TMEM131: variants seen among roughly 807,000 people sequenced by gnomAD.
The protein encoded by TMEM131 is 2610524E03Rik.
In TMEM131, 66 loss-of-function variants were observed where a neutral mutation model predicts 211.6. The observed-to-expected ratio is 0.31, with a 90% CI of 0.26 to 0.38. The LOEUF is 0.38. TMEM131 is among the 10% of genes least tolerant of loss of function. The probability of loss-of-function intolerance (pLI) is 1.00; values close to 1 mark genes in which losing one functional copy is unlikely to be tolerated. For missense variants in TMEM131, 2,036 were observed against 2,299.3 expected, an observed-to-expected ratio of 0.89 and a Z score of 2.34; for synonymous variants, 844 against 841.3, an observed-to-expected ratio of 1.00 and a Z score of -0.06.
At chr2:97,863,190 G>C (rs2105191547) in intron 4 of TMEM131, among the ~76,000 whole-genome samples, 1 of 152,236 alleles carries the variant, frequency 6.6e-6, no homozygotes, top group East Asian at 1.9e-4. Flanking sequence ...CTTCAAATAT[G>C]AAAGAGGAAT....
intron 2 of TMEM131, among the ~76,000 whole-genome samples, chr2:97,914,077 T>C (rs184008881): frequency 2.0e-5 from 3 of 152,306 alleles, no homozygotes; most frequent in African/African-American, 7.2e-5. Flanking sequence ...CACAAAGTTC[T>C]CTGCAAATCA....
At chr2:97,981,727 C>G (rs1022203117) in intron 1 of TMEM131, among the ~76,000 whole-genome samples, 1 of 152,086 alleles carries the variant, frequency 6.6e-6, no homozygotes, top group Non-Finnish European at 1.5e-5. Context: ...CTCCATAGTT[C>G]TAGACAACCA....
intron 32 of TMEM131, among the ~76,000 whole-genome samples, chr2:97,774,203 C>A (rs1486117314): frequency 6.6e-6 from 1 of 152,208 alleles, no homozygotes; most frequent in Non-Finnish European, 1.5e-5. Context: ...GAATACTTGA[C>A]CCATCAGGTA....
intron 11 of TMEM131, among the ~76,000 whole-genome samples, chr2:97,819,496 T>C (rs968480050): frequency 3.3e-5 from 5 of 152,226 alleles, no homozygotes; most frequent in Admixed American, 6.5e-5. Context: ...ATTTCCAATA[T>C]TGATGTTTTA....
intron 1 of TMEM131, among the ~76,000 whole-genome samples, chr2:97,983,333 T>A (rs1413743624): frequency 6.6e-6 from 1 of 152,114 alleles, no homozygotes; most frequent in Non-Finnish European, 1.5e-5. Context: ...GAGGAGGGTA[T>A]AATGAGACAT....
At chr2:97,927,152 T>A (rs114361112) in intron 2 of TMEM131, among the ~76,000 whole-genome samples, 21 of 152,304 alleles carry the variant, frequency 1.4e-4, no homozygotes, top group Non-Finnish European at 2.8e-4. Context: ...ATTACATTTC[T>A]CAACACCTCT....
At chr2:97,898,813 G>A (rs998707929) in intron 3 of TMEM131, among the ~76,000 whole-genome samples, 1 of 152,012 alleles carries the variant, frequency 6.6e-6, no homozygotes, top group East Asian at 1.9e-4. Context: ...GTATTGAAAA[G>A]CTTCTGGTTT....
intron 18 of TMEM131, among the ~76,000 whole-genome samples, chr2:97,810,054 AAAAATACAAATATTTTTGTATTTC>A (rs1160794195): frequency 9.9e-5 from 15 of 152,212 alleles, no homozygotes; most frequent in African/African-American, 3.6e-4. Flanking sequence ...CAGATTTTTT[AAAAATACAAATATTTTTGTATTTC>A]AAAATACAAA....
chr2:97,860,640 G>A lies in TMEM131; in HGVS notation c.360-1213C>T, dbSNP rs145079864. The stretch of plus-strand genomic sequence containing the variant: ...CACCTCTAATTCAAGACTTGGGAAA[G>A]TTGATAAACAGTGAACAGCTGATAA... On this transcript the variant is annotated intron_variant, in intron 4 of 40. Coordinates refer to ENST00000186436, the MANE Select transcript of TMEM131 (RefSeq NM_015348.2). 7.0e-3 allele frequency among the ~76,000 whole-genome samples: 1,059 copies of A among 152,284 alleles called. 53 individuals are homozygous for A. The highest frequency in any genetic ancestry group is 0.061 in the Admixed American group (939 of 15,300).
intron 4 of TMEM131, among the ~76,000 whole-genome samples, chr2:97,880,813 G>A (rs933882444): frequency 3.9e-5 from 6 of 152,054 alleles, no homozygotes; most frequent in African/African-American, 9.7e-5. Flanking sequence ...AAATGCAGCC[G>A]CACACAACCA....
intron 18 of TMEM131, 53 bp from the exon 19 acceptor site, chr2:97,809,827 T>G: frequency 7.3e-7 from 1 of 1,370,172 alleles, no homozygotes; most frequent in Non-Finnish European, 1.0e-6. Context: ...TAGCCTGATC[T>G]TGATAACTAT....
intron 7 of TMEM131, among the ~76,000 whole-genome samples, chr2:97,839,702 A>G (rs905040748): frequency 6.6e-6 from 1 of 152,268 alleles, no homozygotes; most frequent in East Asian, 1.9e-4. Context: ...TTGGACTGCA[A>G]CTATGCTGTC....
chr2:97,812,083 T>C (rs955810425), intron 17 of TMEM131, among the ~76,000 whole-genome samples: 1 of 152,212 alleles, frequency 6.6e-6, no homozygotes, highest in African/African-American at 2.4e-5. Flanking sequence ...TTCAGGGCCA[T>C]CTCTTTTTCC....
In TMEM131 at chr2:97,793,366, G is replaced by C. The variant is rs758670204; in HGVS notation, c.3545+29C>G. On this transcript the variant is annotated intron_variant, in intron 30 of 40. Coordinates refer to ENST00000186436, the MANE Select transcript of TMEM131 (RefSeq NM_015348.2). ...TTATCAGCCAAATCTATGTACACTA[G>C]GGAATTTATTGCCAGCATGTGAACA... 66 of 1,592,886 alleles carry C rather than the reference G, an allele frequency of 4.1e-5. No individual in the cohort carries two copies. In the South Asian group the frequency reaches 6.2e-4, roughly 15 times the overall value.
chr2:97,943,021 GAAAAGAAAAGAAAAGAAAAGAAAGAAAGA>G (rs1677836048), intron 1 of TMEM131, among the ~76,000 whole-genome samples: 3 of 39,212 alleles, frequency 7.7e-5, no homozygotes, highest in Non-Finnish European at 1.5e-4. Context: ...GAAAAGAAAA[GAAAAGAAAAGAAAAGAAAAGAAAGAAAGA>G]AAGAAAGAAA....
rs755918240 is a variant in TMEM131 at position 97,775,856 on chromosome 2, G to A, written c.4307C>T (p.Pro1436Leu). 6 of 1,613,012 alleles carry A rather than the reference G, an allele frequency of 3.7e-6. No homozygotes were observed. Among genetic ancestry groups the A allele is most frequent in the African/African-American group, 1.3e-5 (1 of 74,784 alleles). The change falls in exon 32 of 41, where the codon CCG (proline) becomes CTG (leucine). Residue 1436 changes from proline to leucine, a missense_variant. Transcript: ENST00000186436. The part of the protein sequence containing the change: ...TTETSNPDTE[P>L]LLKEDTEKQK... ...ATCAGCCCGTACCTCCTTGAGGAGC[G>A]GTTCTGTGTCAGGGTTGGAGGTCTC...
At chr2:97,820,607 C>G (rs931296845) in intron 11 of TMEM131, among the ~76,000 whole-genome samples, 2 of 152,074 alleles carry the variant, frequency 1.3e-5, no homozygotes, top group Non-Finnish European at 2.9e-5. Flanking sequence ...GCCTGTAGTC[C>G]TAGCACGTTG....
At chr2:97,961,331 A>G (rs1004165451) in intron 1 of TMEM131, among the ~76,000 whole-genome samples, 3 of 152,206 alleles carry the variant, frequency 2.0e-5, no homozygotes, top group Admixed American at 1.3e-4. Context: ...TGTATACAAT[A>G]TACAATTGTT....
chr2:97,778,126 C>A (rs931428807), intron 31 of TMEM131, among the ~76,000 whole-genome samples: 4 of 152,148 alleles, frequency 2.6e-5, no homozygotes, highest in African/African-American at 9.7e-5. Context: ...TATAAATAAT[C>A]TATATTTACA....
Sources: allele counts gnomAD v4.1 joint callset (sites outside exome capture counted in the v4.1 genomes callset), GRCh38; gene constraint gnomAD v4.1.1; transcripts MANE v1.5; gene names NCBI Gene and HGNC (gene_info 2026-07-23, HGNC 2026-07-21).